SHROOM4: variants seen among roughly 807,000 people sequenced by gnomAD.
The protein encoded by SHROOM4 is shroom family member 4, also known as protein Shroom4.
A neutral mutation model predicts 80.3 loss-of-function variants in SHROOM4; 17 were observed. The observed-to-expected ratio is 0.21, with a 90% confidence interval of 0.14 to 0.32. The LOEUF is 0.32. Among genes scored for constraint, SHROOM4 ranks in the 10% least tolerant of loss-of-function variants. The pLI is 1.00. For missense variants in SHROOM4, 993 were observed against 1,140.3 expected (o/e 0.87, Z 1.86); for synonymous variants, 400 against 437.5 (o/e 0.91, Z 1.07).
At chrX:50,611,646 G>A (rs1015971372) in intron 5 of SHROOM4, among the ~76,000 whole-genome samples, 8 of 111,077 alleles carry the variant, frequency 7.2e-5, no homozygotes, top group African/African-American at 2.0e-4. Flanking sequence ...TAGGCTGGGC[G>A]TGGCAGCTCA....
At position 50,608,006 on chromosome X, in the gene SHROOM4, G is replaced by A. The variant is rs782226569; in HGVS notation, c.3136C>T (p.Leu1046Phe). The change falls in exon 6 of 9, where the codon CTT (leucine) becomes TTT (phenylalanine). Residue 1046 changes from leucine to phenylalanine, a missense_variant. Coordinates refer to ENST00000376020, the MANE Select transcript of SHROOM4 (RefSeq NM_020717.5). ...ETSVYEEGSS[L>F]ASMPHPLRSR... ...CGCAGTGGGTGGGGCATGGAGGCAAGGGAGCTCCCCTCCTCATAAACTGAA... is the reference window on the plus strand; with the variant it reads ...CGCAGTGGGTGGGGCATGGAGGCAAAGGAGCTCCCCTCCTCATAAACTGAA... 5 of 1,210,169 alleles carry A rather than the reference G, an allele frequency of 4.1e-6. No individual in the cohort carries two copies. The East Asian group carries it at 1.2e-4, about 29-fold the overall frequency.
chrX:50,727,579 A>C (rs1311345607), intron 1 of SHROOM4, among the ~76,000 whole-genome samples: 1 of 111,737 alleles, frequency 8.9e-6, no homozygotes, highest in Non-Finnish European at 1.9e-5. Context: ...ACAAGAGCTC[A>C]TGGTTTTAAA....
intron 1 of SHROOM4, among the ~76,000 whole-genome samples, chrX:50,754,680 CATGCATCAGT>C (rs1464185551): frequency 9.0e-6 from 1 of 111,580 alleles, no homozygotes; most frequent in Non-Finnish European, 1.9e-5. Flanking sequence ...CTCCACATAC[CATGCATCAGT>C]CTTCACTGAT....
the SHROOM4 span, among the ~76,000 whole-genome samples, chrX:50,579,402 C>T: frequency 6.2e-5 from 7 of 112,052 alleles, no homozygotes; most frequent in Non-Finnish European, 1.3e-4. Context: ...GACATGTCTG[C>T]ATGGATACCA....
In SHROOM4 at chrX:50,634,428, C is replaced by T; in HGVS notation, c.1645G>A (p.Gly549Ser). ...TCCCCTTCTTCACCTGCCTCTGTGC[C>T]ACTAGCTGCTTTAGTGGTTGAAGAA... ...DCSSTTKAASGTEAGEEGDSE... is the reference protein window; with the variant it reads ...DCSSTTKAASSTEAGEEGDSE... The change falls in exon 4 of 9, where the codon GGC becomes AGC. Residue 549 changes from glycine (G) to serine (S), a missense_variant. Gly to Ser is a moderately conservative substitution (Grantham distance 56). Transcript: ENST00000376020. 3 of 1,211,673 alleles carry T rather than the reference C, an allele frequency of 2.5e-6. No individual in the cohort carries two copies. The highest frequency in any genetic ancestry group is 3.4e-6 in the Non-Finnish European group (3 of 895,467).
chrX:50,643,448 C>T (rs1274913374), intron 2 of SHROOM4: 7 of 110,899 alleles, frequency 6.3e-5, no homozygotes, highest in African/African-American at 1.3e-4. Flanking sequence ...CCTTCTGGGG[C>T]GAGGGACCAT....
At chrX:50,807,264 C>T (rs1270562741) in intron 1 of SHROOM4, among the ~76,000 whole-genome samples, 1 of 112,146 alleles carries the variant, frequency 8.9e-6, no homozygotes, top group Non-Finnish European at 1.9e-5. Context: ...GGATGCAAGA[C>T]CTCCAGCAGG....
Position 50,633,502 on chromosome X carries a change from G to A in SHROOM4, c.2571C>T (p.Tyr857=). The change falls in exon 4 of 9, where the codon TAC becomes TAT. Residue 857 remains tyrosine, a synonymous_variant. Transcript: ENST00000376020. ...MSPLQSETPT[Y]SECFASKGLE... is the part of the protein sequence containing the mutation. Reference sequence around the variant, plus strand: ...GACCTTTGCTTGCAAAACATTCTGAGTAAGTGGGAGTTTCTGACTGAAGGG... The same window carrying A: ...GACCTTTGCTTGCAAAACATTCTGAATAAGTGGGAGTTTCTGACTGAAGGG... 5.0e-6 allele frequency: 6 copies of A among 1,211,621 alleles called. No individual in the cohort carries two copies. Among genetic ancestry groups the A allele is most frequent in the Admixed American group, 4.3e-5 (2 of 46,041 alleles).
At chrX:50,759,575 A>C (rs1400942693) in intron 1 of SHROOM4, among the ~76,000 whole-genome samples, 1 of 111,737 alleles carries the variant, frequency 8.9e-6, no homozygotes, top group Non-Finnish European at 1.9e-5. Flanking sequence ...TAATTATCAT[A>C]TTATTGGTTT....
chrX:50,769,934 T>C (rs782173025), intron 1 of SHROOM4, among the ~76,000 whole-genome samples: 1 of 109,576 alleles, frequency 9.1e-6, no homozygotes, highest in East Asian at 2.9e-4. Flanking sequence ...CTTTTGAATC[T>C]AGACACTGCA....
Position 50,707,267 on chromosome X carries a change from A to G in SHROOM4, c.118-11330T>C, listed in dbSNP as rs185033253. Among the ~76,000 whole-genome samples, 7 of 112,077 alleles carry G rather than the reference A, an allele frequency of 6.2e-5. No homozygotes were observed. The East Asian group carries it at 1.7e-3, about 27-fold the overall frequency. ...AACTATAGTTCTTTCCTTAAAAACC[A>G]TTTGTTCAGTGGGTTTAGTATTTTA... On this transcript the variant is annotated intron_variant, in intron 1 of 8. Transcript: ENST00000376020.
At position 50,612,450 on chromosome X, in the gene SHROOM4, C is replaced by G. The variant is rs782071821; in HGVS notation, c.2958-4266G>C. Among the ~76,000 whole-genome samples, 22 of 111,080 alleles carry G rather than the reference C, an allele frequency of 2.0e-4. No individual in the cohort carries two copies. In the Admixed American group the frequency reaches 2.1e-3, roughly 11 times the overall value. On this transcript the variant is annotated intron_variant, in intron 5 of 8. Coordinates refer to ENST00000376020, the MANE Select transcript of SHROOM4 (RefSeq NM_020717.5). The stretch of plus-strand genomic sequence containing the variant: ...ATAGTCTTGTGTTAATTCTACCAAC[C>G]TTCAAGGAAAAAAAATCAAACCAAT...
At chrX:50,797,892 C>A (rs1284687835) in intron 1 of SHROOM4, among the ~76,000 whole-genome samples, 1 of 111,117 alleles carries the variant, frequency 9.0e-6, no homozygotes, top group Non-Finnish European at 1.9e-5. Flanking sequence ...GTGATTGCCA[C>A]TGGGAAGGGA....
At chrX:50,670,079 T>C (rs1557260679) in intron 2 of SHROOM4, among the ~76,000 whole-genome samples, 1 of 112,080 alleles carries the variant, frequency 8.9e-6, no homozygotes, top group Non-Finnish European at 1.9e-5. Flanking sequence ...ATGGCAGCTA[T>C]AGCCTTACAA....
At chrX:50,674,393 G>A (rs1216197140) in intron 2 of SHROOM4, among the ~76,000 whole-genome samples, 11 of 111,513 alleles carry the variant, frequency 9.9e-5, no homozygotes, top group Admixed American at 8.6e-4. Context: ...CAATGGAATC[G>A]AATAGAAAAC....
chrX:50,645,072 C>T (rs1172354966), intron 2 of SHROOM4, among the ~76,000 whole-genome samples: 4 of 111,643 alleles, frequency 3.6e-5, no homozygotes, highest in Admixed American at 9.5e-5. Context: ...AATGCCAAAC[C>T]CAGTACACTC....
intron 2 of SHROOM4, among the ~76,000 whole-genome samples, chrX:50,665,762 C>T (rs1277485981): frequency 2.7e-5 from 3 of 111,236 alleles, no homozygotes; most frequent in Non-Finnish European, 3.8e-5. Flanking sequence ...CATTTGTTAG[C>T]TGCTAGCACT....
intron 1 of SHROOM4, among the ~76,000 whole-genome samples, chrX:50,738,959 C>T (rs1234507395): frequency 6.3e-5 from 7 of 111,697 alleles, no homozygotes; most frequent in Non-Finnish European, 9.4e-5. Flanking sequence ...ACCAAAACAG[C>T]GTGGTACTGC....
chrX:50,791,208 C>T (rs1244909449), intron 1 of SHROOM4, among the ~76,000 whole-genome samples: 1 of 111,097 alleles, frequency 9.0e-6, no homozygotes, highest in Non-Finnish European at 1.9e-5. Flanking sequence ...ATCCCATTTA[C>T]TATAGCACCT....
Sources: gnomAD v4.1 joint callset for allele counts (sites outside exome capture counted in the v4.1 genomes callset) on GRCh38, gnomAD v4.1.1 for gene constraint, MANE v1.5 for transcripts, NCBI Gene and HGNC (gene_info 2026-07-23, HGNC 2026-07-21) for gene names.